Variants in VAV2 observed in about 807,000 individuals in gnomAD.
VAV2 encodes guanine nucleotide exchange factor VAV2.
VAV2 carries 67 observed loss-of-function variants against 132.5 expected under a neutral mutation model. The ratio of observed to expected loss-of-function variants is 0.51; its 90% CI spans 0.42 to 0.62. The LOEUF (loss-of-function observed/expected upper bound fraction) is 0.62, where lower values mean the gene tolerates loss of function less well. VAV2 is among the 20% of genes least tolerant of loss of function. The pLI, the probability that VAV2 is intolerant of heterozygous loss-of-function variation, is 0.00. For missense variants in VAV2, 938 were observed against 1,153.6 expected, an observed-to-expected ratio of 0.81 and a Z score of 2.71; for synonymous variants, 492 against 443.5, an observed-to-expected ratio of 1.11 and a Z score of -1.37.
chr9:133,951,720 G>A (rs1841566565), intron 1 of VAV2, among the ~76,000 whole-genome samples: 1 of 152,184 alleles, frequency 6.6e-6, no homozygotes, highest in African/African-American at 2.4e-5. Flanking sequence ...GCTGGGGACA[G>A]GGCTTTTAGG....
rs1836691709 is a variant in VAV2 at position 133,840,835 on chromosome 9, G to A, written c.381-6495C>T. On this transcript the variant is annotated intron_variant, in intron 3 of 29. Coordinates refer to ENST00000371850, the MANE Select transcript of VAV2 (RefSeq NM_001134398.2). This position sits in a 1 kb window ranked among gnomAD's most constrained non-coding sequence, Gnocchi z 4.5. ...TGCTAGAAACGATGGCGTCTGCAGGGCACCACCTGTGCCACTCACTGTGCC... is the reference window on the plus strand; with the variant it reads ...TGCTAGAAACGATGGCGTCTGCAGGACACCACCTGTGCCACTCACTGTGCC... Among the ~76,000 whole-genome samples the A allele has an allele frequency of 6.6e-6, 1 of 152,180 alleles. No individual in the cohort carries two copies. The highest frequency in any genetic ancestry group is 2.4e-5 in the African/African-American group (1 of 41,452).
At chr9:133,881,530 GA>G (rs1838496284) in intron 2 of VAV2, among the ~76,000 whole-genome samples, 1 of 152,158 alleles carries the variant, frequency 6.6e-6, no homozygotes, top group Non-Finnish European at 1.5e-5. Flanking sequence ...TGGAGACGAG[GA>G]ACTGACGAGG....
chr9:133,795,752 G>C lies in VAV2; in HGVS notation c.1033-16C>G, dbSNP rs780890284. The stretch of plus-strand genomic sequence containing the variant: ...TCAGAAGCTCCTGGAAGGGTGAGAA[G>C]AGTGTCATGTGTTACCACTCGGGGG... On this transcript the variant is annotated splice_polypyrimidine_tract_variant and intron_variant, in intron 11 of 29. Coordinates refer to ENST00000371850, the MANE Select transcript of VAV2 (RefSeq NM_001134398.2). 1 of 1,612,804 alleles carries C rather than the reference G, an allele frequency of 6.2e-7. No individual in the cohort carries two copies.
chr9:133,963,686 T>A (rs889470696), intron 1 of VAV2, among the ~76,000 whole-genome samples: 1 of 152,178 alleles, frequency 6.6e-6, no homozygotes, highest in African/African-American at 2.4e-5. Context: ...ATCCAAGGAC[T>A]GTCACACGTG....
Position 133,812,169 on chromosome 9 carries a change from T to C in VAV2, c.497A>G (p.Asp166Gly). ...GTCCTCGTAGATGTCGTCCCCTCCA[T>C]CCTCACACGGGACGCAGTCGTAGAT... ...EDIYDCVPCE[D>G]GGDDIYEDII... The change falls in exon 5 of 30, where the codon GAT becomes GGT. Residue 166 changes from aspartate to glycine, a missense_variant. Asp to Gly is a moderately conservative substitution (Grantham distance 94). Coordinates refer to ENST00000371850, the MANE Select transcript of VAV2 (RefSeq NM_001134398.2). 1.2e-6 allele frequency: 2 copies of C among 1,613,926 alleles called. No homozygotes were observed. The highest frequency in any genetic ancestry group is 8.5e-7 in the Non-Finnish European group (1 of 1,179,994).
intron 16 of VAV2, among the ~76,000 whole-genome samples, chr9:133,786,218 C>T (rs753050707): frequency 7.9e-5 from 12 of 152,248 alleles, no homozygotes; most frequent in African/African-American, 2.2e-4. Flanking sequence ...CGTGTCTATG[C>T]GTGTGCACCT....
chr9:133,976,124 T>C (rs1842500301), intron 1 of VAV2, among the ~76,000 whole-genome samples: 1 of 151,940 alleles, frequency 6.6e-6, no homozygotes, highest in South Asian at 2.1e-4. Context: ...GAGAATTGCT[T>C]GAACCCAGGA....
intron 2 of VAV2, among the ~76,000 whole-genome samples, chr9:133,902,082 C>T (rs939478009): frequency 1.3e-5 from 2 of 150,866 alleles, no homozygotes; most frequent in Non-Finnish European, 2.9e-5. Flanking sequence ...AAAAGTGACA[C>T]AGTTTCGTCA....
rs1374208050 is a variant in VAV2 at position 133,857,683 on chromosome 9, C to T, written c.380+3691G>A. On this transcript the variant is annotated intron_variant, in intron 3 of 29. Transcript: ENST00000371850. The surrounding 1 kb of genome is among the most constrained non-coding windows in gnomAD (Gnocchi z 4.0). ...AAGGTTCAATTCCCCATGGAAATCC[C>T]AGCCCATCCGGAGCAAGGTGGGACA... Among the ~76,000 whole-genome samples the T allele has an allele frequency of 6.6e-6, 1 of 152,214 alleles. No individual in the cohort carries two copies. Among genetic ancestry groups the T allele is most frequent in the Non-Finnish European group, 1.5e-5 (1 of 68,048 alleles).
At chr9:133,837,416 C>T (rs1480019298) in intron 3 of VAV2, among the ~76,000 whole-genome samples, 1 of 152,226 alleles carries the variant, frequency 6.6e-6, no homozygotes, top group East Asian at 1.9e-4. Context: ...CTTTTGTCGG[C>T]CAGGCGCGGT....
intron 1 of VAV2, among the ~76,000 whole-genome samples, chr9:133,990,962 G>A (rs1842996391): frequency 6.6e-6 from 1 of 152,092 alleles, no homozygotes; most frequent in African/African-American, 2.4e-5. Context: ...AGAAAGGCCC[G>A]GTCTCCTAGG....
At chr9:133,974,540 G>A (rs980942064) in intron 1 of VAV2, among the ~76,000 whole-genome samples, 5 of 152,132 alleles carry the variant, frequency 3.3e-5, no homozygotes, top group African/African-American at 4.8e-5. Flanking sequence ...ACATCCACCC[G>A]GGGGACGGGG....
intron 2 of VAV2, among the ~76,000 whole-genome samples, chr9:133,862,713 C>A (rs1837647378): frequency 6.6e-6 from 1 of 152,208 alleles, no homozygotes; most frequent in Non-Finnish European, 1.5e-5. Context: ...GTGCCGGACA[C>A]CACACCAGGG....
At chr9:133,903,841 G>A (rs910610728) in intron 2 of VAV2, among the ~76,000 whole-genome samples, 1 of 152,158 alleles carries the variant, frequency 6.6e-6, no homozygotes, top group African/African-American at 2.4e-5. Context: ...GGCTCGGGGA[G>A]GCAGAGACCC....
intron 4 of VAV2, among the ~76,000 whole-genome samples, chr9:133,830,730 A>G (rs1335105492): frequency 2.0e-5 from 3 of 152,200 alleles, no homozygotes; most frequent in Middle Eastern, 3.2e-3. Flanking sequence ...TACCTCCCCA[A>G]GTAGGATCCA....
At chr9:133,968,199 G>A (rs1030578357) in intron 1 of VAV2, among the ~76,000 whole-genome samples, 16 of 152,076 alleles carry the variant, frequency 1.1e-4, no homozygotes, top group Non-Finnish European at 8.8e-5. Flanking sequence ...AAGAGAGGAC[G>A]TGAAATGTTC....
intron 8 of VAV2, among the ~76,000 whole-genome samples, chr9:133,806,880 G>C (rs1835169395): frequency 6.6e-6 from 1 of 152,266 alleles, no homozygotes; most frequent in Admixed American, 6.5e-5. Context: ...CTTTGCATGG[G>C]GAACTGCCTT....
intron 3 of VAV2, among the ~76,000 whole-genome samples, chr9:133,836,561 A>C (rs958192432): frequency 6.6e-6 from 1 of 152,272 alleles, no homozygotes; most frequent in African/African-American, 2.4e-5. Flanking sequence ...AGTATGTTAC[A>C]TATAAAATGA....
At position 133,956,258 on chromosome 9, in the gene VAV2, G is replaced by A. The variant is rs1486401536; in HGVS notation, c.205-17039C>T. Among the ~76,000 whole-genome samples the A allele has an allele frequency of 2.0e-5, 3 of 152,070 alleles. No individual in the cohort carries two copies. In the East Asian group the frequency reaches 5.8e-4, roughly 29 times the overall value. On this transcript the variant is annotated intron_variant, in intron 1 of 29. Coordinates refer to ENST00000371850, the MANE Select transcript of VAV2 (RefSeq NM_001134398.2). Reference sequence around the variant, plus strand: ...CAAGTCAGGAACTCGATGATCTCCAGAGGTGCCATGATCCCCTCGTCTACC... The same window carrying A: ...CAAGTCAGGAACTCGATGATCTCCAAAGGTGCCATGATCCCCTCGTCTACC...
Sources: allele counts gnomAD v4.1 joint callset (sites outside exome capture counted in the v4.1 genomes callset), GRCh38; gene constraint gnomAD v4.1.1; non-coding constraint Gnocchi (gnomAD v3.1); transcripts MANE v1.5; gene names NCBI Gene and HGNC (gene_info 2026-07-23, HGNC 2026-07-21).